The following NRDE2 variants were observed in gnomAD, a reference collection of about 807,000 sequenced individuals.
The protein encoded by NRDE2 is nuclear exosome regulator NRDE2.
Under a neutral mutation model 124.2 loss-of-function variants are expected in NRDE2, and 76 were observed. The observed-to-expected ratio is 0.61, with a 90% CI of 0.51 to 0.74. The LOEUF is 0.74. NRDE2 is among the 30% of genes least tolerant of loss of function. NRDE2 has a pLI of 0.00. For missense variants in NRDE2, 1,314 were observed against 1,417.3 expected (o/e 0.93, Z 1.17); for synonymous variants, 489 against 528.1 (o/e 0.93, Z 1.01).
chr14:90,303,213 C>A lies in NRDE2; in HGVS notation c.1006-88G>T, dbSNP rs1314720388. The A allele has an allele frequency of 5.6e-6, 7 of 1,260,196 alleles. No homozygotes were observed. The East Asian group carries it at 1.2e-4, about 22-fold the overall frequency. The allele number at this position is 1,260,196 out of a possible 1,614,324, so 78.1% of individuals were successfully genotyped here. The stretch of plus-strand genomic sequence containing the variant: ...ATGCTTACTGATTTTCTTACCACCC[C>A]CTAGGGACTTTCTTAAACCACCAGT... On this transcript the variant is annotated intron_variant, in intron 5 of 13. Coordinates refer to ENST00000354366, the MANE Select transcript of NRDE2 (RefSeq NM_017970.4).
intron 4 of NRDE2, among the ~76,000 whole-genome samples, chr14:90,311,364 G>A (rs981713806): frequency 5.3e-5 from 8 of 152,096 alleles, no homozygotes; most frequent in Non-Finnish European, 1.2e-4. Flanking sequence ...ATCTTGAATT[G>A]TAGTTCCCAT....
intron 1 of NRDE2, among the ~76,000 whole-genome samples, chr14:90,325,929 T>A (rs1280022223): frequency 3.9e-5 from 6 of 152,238 alleles, no homozygotes; most frequent in Non-Finnish European, 7.3e-5. Flanking sequence ...ACGTTTTTTT[T>A]AATTGAAACT....
rs775935399 is a variant in NRDE2 at position 90,268,136 on chromosome 14, T to C, written c.*10200A>G. ...CATGAGGGCCCGCCTGTTTTTGGTG[T>C]CCATTTAAGGTGGTAATGATACGAG... On this transcript the variant is annotated 3_prime_UTR_variant, in exon 14 of 14. Coordinates refer to ENST00000354366, the MANE Select transcript of NRDE2 (RefSeq NM_017970.4). 3.0e-5 allele frequency: 33 copies of C among 1,114,380 alleles called. No homozygotes were observed. Among genetic ancestry groups the C allele is most frequent in the Non-Finnish European group, 3.8e-5 (31 of 807,808 alleles). The allele number at this position is 1,114,380 out of a possible 1,614,324, so 69.0% of individuals were successfully genotyped here.
Position 90,278,010 on chromosome 14 carries a change from C to T in NRDE2, c.*326G>A. 1 of 216,016 alleles carries T rather than the reference C, an allele frequency of 4.6e-6. No individual in the cohort carries two copies. Among genetic ancestry groups the T allele is most frequent in the Non-Finnish European group, 9.6e-6 (1 of 104,572 alleles). The allele number at this position is 216,016 out of a possible 1,614,324, so 13.4% of individuals were successfully genotyped here. A position where few individuals can be genotyped will look rare whatever the true frequency, so the allele number is the denominator to read the frequency against. On this transcript the variant is annotated 3_prime_UTR_variant, in exon 14 of 14. Coordinates refer to ENST00000354366, the MANE Select transcript of NRDE2 (RefSeq NM_017970.4). ...AGGGAACACATTCACCGTGCGGGGG[C>T]CAGTGCTGGCTGCGCACAGGGAGAG...
In NRDE2 at chr14:90,270,366, C is replaced by T. The variant is rs764521026; in HGVS notation, c.*7970G>A. The T allele has an allele frequency of 2.2e-5, 36 of 1,607,438 alleles. No homozygotes were observed. Among genetic ancestry groups the T allele is most frequent in the South Asian group, 1.9e-4 (17 of 90,538 alleles). ...GCTGACATCAAGGTGAGAGCCTAGC[C>T]GTGTCAGCTTATTTCTGGGAATGTG... is the stretch of plus-strand genomic sequence containing the variant. On this transcript the variant is annotated 3_prime_UTR_variant, in exon 14 of 14. Coordinates refer to ENST00000354366, the MANE Select transcript of NRDE2 (RefSeq NM_017970.4).
chr14:90,291,418 G>C (rs1892268912), intron 9 of NRDE2, among the ~76,000 whole-genome samples: 1 of 152,224 alleles, frequency 6.6e-6, no homozygotes, highest in African/African-American at 2.4e-5. Flanking sequence ...CCCAGGCTTT[G>C]ATTACAGAAA....
rs1491397403 is a variant in NRDE2 at position 90,274,838 on chromosome 14, A to ACACACCCCCC, written c.*3497_*3498insGGGGGGTGTG. The ACACACCCCCC allele has an allele frequency of 2.1e-4, 14 of 67,218 alleles. No individual in the cohort carries two copies. Among genetic ancestry groups the ACACACCCCCC allele is most frequent in the South Asian group, 3.8e-4 (1 of 2,654 alleles). The allele number at this position is 67,218 out of a possible 1,614,324, so 4.2% of individuals were successfully genotyped here. A position where few individuals can be genotyped will look rare whatever the true frequency, so the allele number is the denominator to read the frequency against. ...CACACACACACACACACACACACAC[A>ACACACCCCCC]CCCCAATACATATGAATTGATCTGA... On this transcript the variant is annotated 3_prime_UTR_variant, in exon 14 of 14. Transcript: ENST00000354366.
rs35515329 is a variant in NRDE2, at chr14:90,324,673, CAAAAAA to C, written c.65-6566_65-6561del. Among the ~76,000 whole-genome samples, 396 of 65,990 alleles carry C rather than the reference CAAAAAA, an allele frequency of 6.0e-3. 2 individuals are homozygous for C. Among genetic ancestry groups the C allele is most frequent in the Non-Finnish European group, 0.01 (323 of 31,410 alleles). 43.3% of individuals were successfully genotyped at this position (65,990 alleles called of 152,430 possible). ...GGGTGACAGAGCAAGGCTCCGTCTC[CAAAAAA>C]AAAAAAAAAAAAAGAGCACACACTT... On this transcript the variant is annotated intron_variant, in intron 1 of 13. Coordinates refer to ENST00000354366, the MANE Select transcript of NRDE2 (RefSeq NM_017970.4).
chr14:90,305,559 G>C (rs1207103763), intron 4 of NRDE2, among the ~76,000 whole-genome samples: 22 of 152,298 alleles, frequency 1.4e-4, no homozygotes. Context: ...GTAAACAGAG[G>C]TACAGCCATA....
intron 4 of NRDE2, among the ~76,000 whole-genome samples, chr14:90,309,017 C>T (rs995623458): frequency 6.6e-6 from 1 of 151,724 alleles, no homozygotes; most frequent in African/African-American, 2.4e-5. Flanking sequence ...CTGGGATGGG[C>T]GGATCATGAG....
chr14:90,310,118 A>G (rs1884771703), intron 4 of NRDE2, among the ~76,000 whole-genome samples: 1 of 152,178 alleles, frequency 6.6e-6, no homozygotes, highest in African/African-American at 2.4e-5. Context: ...CCAATTTACA[A>G]ATGAAGCAAC....
rs377201570 is a variant in NRDE2 at position 90,278,428 on chromosome 14, C to T, written c.3403G>A (p.Asp1135Asn). 210 of 1,613,978 alleles carry T rather than the reference C, an allele frequency of 1.3e-4. No homozygotes were observed. Among genetic ancestry groups the T allele is most frequent in the Middle Eastern group, 4.9e-4 (3 of 6,082 alleles). The change falls in exon 14 of 14, where the codon GAT becomes AAT. Residue 1135 changes from aspartate to asparagine, a missense_variant. By Grantham distance (23) the Asp-to-Asn change is conservative. Transcript: ENST00000354366. The part of the protein sequence containing the change: ...LYLDAVEYFP[D>N]EMQEILDLMT... ...AGGTCCAGGATCTCCTGCATCTCAT[C>T]GGGGAAATACTCCACGGCGTCCAGG...
chr14:90,303,215 T>G, intron 5 of NRDE2, 90 bp from the exon 6 acceptor site: 1 of 1,250,886 alleles, frequency 8.0e-7, no homozygotes, highest in Non-Finnish European at 1.1e-6. Flanking sequence ...TACCACCCCC[T>G]AGGGACTTTC....
chr14:90,306,854 C>T (rs983364523), intron 4 of NRDE2, among the ~76,000 whole-genome samples: 1 of 152,028 alleles, frequency 6.6e-6, no homozygotes, highest in Non-Finnish European at 1.5e-5. Flanking sequence ...ACAAGGCTGC[C>T]ATTCCCTAAG....
chr14:90,293,290 G>A lies in NRDE2; in HGVS notation c.1667-418C>T, dbSNP rs533289057. ...TCTGAGATGGAGTCTCGCTGTTGTCGCCCAGGCTGGAGTACAGTGGCACAA... is the reference window on the plus strand; with the variant it reads ...TCTGAGATGGAGTCTCGCTGTTGTCACCCAGGCTGGAGTACAGTGGCACAA... On this transcript the variant is annotated intron_variant, in intron 8 of 13. Coordinates refer to ENST00000354366, the MANE Select transcript of NRDE2 (RefSeq NM_017970.4). 6.9e-4 allele frequency among the ~76,000 whole-genome samples: 104 copies of A among 151,038 alleles called. 1 individual carries two copies. The highest frequency in any genetic ancestry group is 2.3e-3 in the African/African-American group (96 of 41,168).
rs1193260088 is a variant in NRDE2 at position 90,275,691 on chromosome 14, A to G, written c.*2645T>C. The stretch of plus-strand genomic sequence containing the variant: ...GGATGCAGGTATGAAGTGCTTGTGA[A>G]ATAACAGAATTCCCACAGTAATTTC... On this transcript the variant is annotated 3_prime_UTR_variant, in exon 14 of 14. Coordinates refer to ENST00000354366, the MANE Select transcript of NRDE2 (RefSeq NM_017970.4). The G allele has an allele frequency of 6.6e-6, 1 of 152,188 alleles. No individual in the cohort carries two copies. Among genetic ancestry groups the G allele is most frequent in the African/African-American group, 2.4e-5 (1 of 41,450 alleles). 9.4% of individuals were successfully genotyped at this position (152,188 alleles called of 1,614,324 possible).
intron 4 of NRDE2, among the ~76,000 whole-genome samples, chr14:90,306,092 A>AG (rs202135914): frequency 0.015 from 2,328 of 152,316 alleles, 52 homozygotes; most frequent in African/African-American, 0.053. Context: ...TGGTAGATGT[A>AG]GGGGGCAGTT....
Position 90,270,191 on chromosome 14 carries a change from C to A in NRDE2, c.*8145G>T, listed in dbSNP as rs898937548. 1.2e-6 allele frequency: 2 copies of A among 1,613,022 alleles called. No homozygotes were observed. Among genetic ancestry groups the A allele is most frequent in the Admixed American group, 1.7e-5 (1 of 59,940 alleles). On this transcript the variant is annotated 3_prime_UTR_variant, in exon 14 of 14. Transcript: ENST00000354366. The stretch of plus-strand genomic sequence containing the variant: ...TGGTGTGACTTCAAATCTCTTTGTA[C>A]CTGCAGGCCGCATTGACAGGAAGAT...
intron 1 of NRDE2, 121 bp downstream of exon 1, chr14:90,331,720 G>A: frequency 8.8e-7 from 1 of 1,136,480 alleles, no homozygotes; most frequent in Admixed American, 1.9e-5. Context: ...GCTTTGCAGC[G>A]CCGCGGAGAA....
Sources: gnomAD v4.1 joint callset for allele counts (sites outside exome capture counted in the v4.1 genomes callset) on GRCh38, gnomAD v4.1.1 for gene constraint, MANE v1.5 for transcripts, NCBI Gene and HGNC (gene_info 2026-07-23, HGNC 2026-07-21) for gene names.